DGKZ: variants seen among roughly 807,000 people sequenced by gnomAD.
DGKZ encodes DAG kinase zeta.
DGKZ carries 45 observed loss-of-function variants against 142.5 expected under a neutral mutation model. The observed-to-expected ratio is 0.32, with a 90% CI of 0.25 to 0.40. The LOEUF (loss-of-function observed/expected upper bound fraction) is 0.40, where lower values mean the gene tolerates loss of function less well. DGKZ is among the 10% of genes least tolerant of loss of function. The probability of loss-of-function intolerance (pLI) is 1.00; values close to 1 mark genes in which losing one functional copy is unlikely to be tolerated. For synonymous variants in DGKZ, 442 were observed against 527.0 expected, an observed-to-expected ratio of 0.84 and a Z score of 2.21; for missense variants, 755 against 1,306.5, an observed-to-expected ratio of 0.58 and a Z score of 6.51.
At chr11:46,336,616 T>C (rs903272075) in intron 1 of DGKZ, among the ~76,000 whole-genome samples, 7 of 152,168 alleles carry the variant, frequency 4.6e-5, no homozygotes, top group Non-Finnish European at 1.5e-5. Flanking sequence ...ACTGTGTGTG[T>C]CACCCAGGCT....
rs970481487 is a variant in DGKZ, at chr11:46,347,877, A to G, written c.161+57A>G. 22 of 1,266,060 alleles carry G rather than the reference A, an allele frequency of 1.7e-5. No homozygotes were observed. Among genetic ancestry groups the G allele is most frequent in the Non-Finnish European group, 2.0e-5 (20 of 1,004,178 alleles). The allele number at this position is 1,266,060 out of a possible 1,614,324, so 78.4% of individuals were successfully genotyped here. A position where few individuals can be genotyped will look rare whatever the true frequency, so the allele number is the denominator to read the frequency against. ...GGCACCGGCAGGTTACCGCTCCCTCACCGGGGGACATTCCTCGGCCACTGG... is the reference window on the plus strand; with the variant it reads ...GGCACCGGCAGGTTACCGCTCCCTCGCCGGGGGACATTCCTCGGCCACTGG... On this transcript the variant is annotated intron_variant, in intron 1 of 30. Coordinates refer to ENST00000527911, the Ensembl canonical transcript of DGKZ. The surrounding 1 kb of genome is among the most constrained non-coding windows in gnomAD (Gnocchi z 6.4).
chr11:46,339,447 C>T (rs1347076529), intron 1 of DGKZ, among the ~76,000 whole-genome samples: 2 of 152,220 alleles, frequency 1.3e-5, no homozygotes, highest in East Asian at 1.9e-4. Context: ...GGCCCAGGCC[C>T]AGCCCGGAAC....
chr11:46,346,152 T>C (rs3809047), upstream of DGKZ, among the ~76,000 whole-genome samples: 9,741 of 152,262 alleles, frequency 0.064, 357 homozygotes, highest in South Asian at 0.08. Context: ...GTGCTGGTTC[T>C]TCCTCAAAAT....
intron 1 of DGKZ, among the ~76,000 whole-genome samples, chr11:46,351,733 C>T (rs1335708871): frequency 3.9e-5 from 6 of 152,200 alleles, no homozygotes; most frequent in African/African-American, 4.8e-5. Context: ...AAAAATGGGC[C>T]TCAGTGGCCG....
At chr11:46,355,121 AT>A (rs1302769484) in intron 1 of DGKZ, among the ~76,000 whole-genome samples, 14 of 151,566 alleles carry the variant, frequency 9.2e-5, no homozygotes, top group Non-Finnish European at 2.1e-4. Context: ...ATTTTATTTT[AT>A]TTTTTTGAGA....
intron 5 of DGKZ, 37 bp downstream of exon 5, chr11:46,369,587 A>G (rs1200497921): frequency 1.2e-6 from 2 of 1,610,634 alleles, no homozygotes; most frequent in South Asian, 1.1e-5. Context: ...GGGCCACCCT[A>G]AGATTCCTGC....
At chr11:46,339,546 C>G (rs1182960737) in intron 1 of DGKZ, among the ~76,000 whole-genome samples, 2 of 152,226 alleles carry the variant, frequency 1.3e-5, no homozygotes, top group African/African-American at 4.8e-5. Flanking sequence ...CAGAGGCCAA[C>G]GTGCAGGGAT....
Position 46,377,390 on chromosome 11 carries a change from C to T in DGKZ, c.2342+178C>T, listed in dbSNP as rs529987497. Reference sequence around the variant, plus strand: ...GTGGTTCTGTGGGGAAGCGGCCTCACGTCCACCCTGGTTCCCTCCCTGACT... The same window carrying T: ...GTGGTTCTGTGGGGAAGCGGCCTCATGTCCACCCTGGTTCCCTCCCTGACT... On this transcript the variant is annotated intron_variant, in intron 25 of 30. Coordinates refer to ENST00000527911, the Ensembl canonical transcript of DGKZ. The T allele has an allele frequency of 4.3e-4, 519 of 1,218,766 alleles. No individual in the cohort carries two copies. The African/African-American group carries it at 7.0e-3, about 16-fold the overall frequency. 75.5% of individuals were successfully genotyped at this position (1,218,766 alleles called of 1,614,324 possible).
chr11:46,378,916 G>GGC (rs763741512), intron 27 of DGKZ, 75 bp from the exon 28 acceptor site: 31 of 1,492,238 alleles, frequency 2.1e-5, no homozygotes, highest in Non-Finnish European at 2.7e-5. Flanking sequence ...GTACCCGGCT[G>GGC]TGGGCCAGCG....
intron 1 of DGKZ, chr11:46,333,609 GC>G: frequency 1.1e-6 from 1 of 888,040 alleles, no homozygotes; most frequent in Non-Finnish European, 1.7e-6. Context: ...AGAGATGACT[GC>G]CGAGGGATCT....
At chr11:46,360,971 C>G (rs1190312586) in intron 1 of DGKZ, among the ~76,000 whole-genome samples, 2 of 152,044 alleles carry the variant, frequency 1.3e-5, no homozygotes, top group South Asian at 4.1e-4. Context: ...GACCCAGAAG[C>G]TGGAGTCCCA....
In DGKZ at chr11:46,347,612, G is replaced by C; in HGVS notation, c.-48G>C. ...CGTGCTGAGCCCCGGCCGCCGGCCC[G>C]GCATGGGCGTCTCCCGCGGGCCCTC... On this transcript the variant is annotated 5_prime_UTR_variant, in exon 1 of 31. Transcript: ENST00000527911. The surrounding 1 kb of genome is among the most constrained non-coding windows in gnomAD (Gnocchi z 6.4). 8.3e-7 allele frequency: 1 copy of C among 1,206,222 alleles called. No individual in the cohort carries two copies. The highest frequency in any genetic ancestry group is 1.0e-6 in the Non-Finnish European group (1 of 970,502). The allele number at this position is 1,206,222 out of a possible 1,614,324, so 74.7% of individuals were successfully genotyped here. A position where few individuals can be genotyped will look rare whatever the true frequency, so the allele number is the denominator to read the frequency against.
intron 1 of DGKZ, among the ~76,000 whole-genome samples, chr11:46,352,966 C>A (rs1461074922): frequency 6.6e-6 from 1 of 152,244 alleles, no homozygotes; most frequent in South Asian, 2.1e-4. Context: ...CCTCTTCACC[C>A]CCTGCCTCGC....
intron 6 of DGKZ, among the ~76,000 whole-genome samples, chr11:46,370,920 C>T (rs1281169768): frequency 6.6e-6 from 1 of 152,008 alleles, no homozygotes; most frequent in Non-Finnish European, 1.5e-5. Context: ...CCTGTCTCTA[C>T]TGAAAATACA....
intron 1 of DGKZ, chr11:46,366,593 C>A (rs370846895): frequency 6.2e-7 from 1 of 1,607,964 alleles, no homozygotes; most frequent in Non-Finnish European, 8.5e-7. Context: ...GTTGACCGGG[C>A]TTGTGGGCAT....
At chr11:46,369,392 C>G in intron 4 of DGKZ, 102 bp from the exon 5 acceptor site, 1 of 1,430,170 alleles carries the variant, frequency 7.0e-7, no homozygotes. Context: ...GGGGTATCCC[C>G]ACCTTGTGAG....
chr11:46,339,881 A>C (rs1940192583), intron 1 of DGKZ, among the ~76,000 whole-genome samples: 2 of 151,590 alleles, frequency 1.3e-5, no homozygotes, highest in South Asian at 2.1e-4. Flanking sequence ...ACTGGAGAAA[A>C]CCTCTCTTCA....
At chr11:46,366,530 C>G (rs748780320) in intron 1 of DGKZ, 1 of 1,596,682 alleles carries the variant, frequency 6.3e-7, no homozygotes, top group East Asian at 2.3e-5. Context: ...GGATAAGGTG[C>G]TCACTCCACA....
chr11:46,342,291 G>C (rs1940317892), intron 1 of DGKZ, among the ~76,000 whole-genome samples: 1 of 152,138 alleles, frequency 6.6e-6, no homozygotes, highest in Non-Finnish European at 1.5e-5. Context: ...CTGGAAAGCA[G>C]AGATGACATT....
Sources: allele counts gnomAD v4.1 joint callset (sites outside exome capture counted in the v4.1 genomes callset), GRCh38; gene constraint gnomAD v4.1.1; non-coding constraint Gnocchi (gnomAD v3.1); transcripts MANE v1.5; gene names NCBI Gene and HGNC (gene_info 2026-07-23, HGNC 2026-07-21).